Variants in CHODL observed in about 807,000 individuals in gnomAD.
The protein encoded by CHODL is chondrolectin, also known as transmembrane protein MT75.
A neutral mutation model predicts 34.5 loss-of-function variants in CHODL; 29 were observed. The observed-to-expected ratio is 0.84, with a 90% CI of 0.63 to 1.15. CHODL has a LOEUF of 1.15. Among genes scored for constraint, CHODL ranks in the 50% most tolerant of loss-of-function variants. The probability of loss-of-function intolerance (pLI) is 0.00; values close to 1 mark genes in which losing one functional copy is unlikely to be tolerated. For missense variants in CHODL, 332 were observed against 332.5 expected, an observed-to-expected ratio of 1.00 and a Z score of 0.01; for synonymous variants, 125 against 116.1, an observed-to-expected ratio of 1.08 and a Z score of -0.49.
At chr21:18,209,254 C>T (rs2073747826) in intron 2 of CHODL, among the ~76,000 whole-genome samples, 1 of 152,170 alleles carries the variant, frequency 6.6e-6, no homozygotes, top group East Asian at 1.9e-4. Flanking sequence ...GTTCTTCCTG[C>T]TCATTCTTCC....
chr21:18,097,853 C>T (rs1265779699), intron 2 of CHODL, among the ~76,000 whole-genome samples: 1 of 152,018 alleles, frequency 6.6e-6, no homozygotes, highest in Non-Finnish European at 1.5e-5. Context: ...CAGCATGGTA[C>T]TGACATAAAA....
At chr21:18,118,220 T>C (rs1432519620) in intron 2 of CHODL, among the ~76,000 whole-genome samples, 1 of 152,226 alleles carries the variant, frequency 6.6e-6, no homozygotes, top group South Asian at 2.1e-4. Context: ...TAAATGTTTA[T>C]TGAGCCTCAA....
At chr21:18,050,400 A>T (rs1267514016) in intron 2 of CHODL, among the ~76,000 whole-genome samples, 3 of 151,858 alleles carry the variant, frequency 2.0e-5, no homozygotes, top group Non-Finnish European at 4.4e-5. Flanking sequence ...CTGTTTGACA[A>T]CTCTTACTCT....
intron 2 of CHODL, among the ~76,000 whole-genome samples, chr21:18,152,210 C>A (rs1303975179): frequency 6.6e-6 from 1 of 152,134 alleles, no homozygotes; most frequent in Non-Finnish European, 1.5e-5. Context: ...CACCACAATT[C>A]ACTGGTGGTT....
chr21:18,006,544 T>C (rs183334493), intron 1 of CHODL, among the ~76,000 whole-genome samples: 2 of 152,292 alleles, frequency 1.3e-5, no homozygotes, highest in East Asian at 1.9e-4. Context: ...CAATTATCTT[T>C]ACACTGATAT....
At chr21:18,025,619 C>T (rs926946203) in intron 1 of CHODL, among the ~76,000 whole-genome samples, 3 of 151,754 alleles carry the variant, frequency 2.0e-5, no homozygotes, top group Admixed American at 6.6e-5. Flanking sequence ...ATTTTTGTTG[C>T]GTTAATTGGC....
At chr21:18,220,940 A>C (rs1422941658) in intron 2 of CHODL, among the ~76,000 whole-genome samples, 2 of 152,086 alleles carry the variant, frequency 1.3e-5, no homozygotes, top group Non-Finnish European at 2.9e-5. Flanking sequence ...TATCTCTTGC[A>C]AGACTTATGA....
intron 2 of CHODL, among the ~76,000 whole-genome samples, chr21:18,095,720 A>G (rs567688122): frequency 6.6e-6 from 1 of 152,352 alleles, no homozygotes; most frequent in Admixed American, 6.5e-5. Flanking sequence ...CTGTAGGCCA[A>G]TATCTCTGAT....
rs1014291644 is a variant in CHODL at position 18,146,088 on chromosome 21, C to G, written c.-44-110421C>G. ...GGTTCAAGCAATTCTCCTGCCCCAG[C>G]CTCCCGAGTAGCTGAGACTACATTG... On this transcript the variant is annotated intron_variant, in intron 2 of 6. Transcript: ENST00000400127. Among the ~76,000 whole-genome samples, 71 of 152,034 alleles carry G rather than the reference C, an allele frequency of 4.7e-4. 4 individuals carry two copies. The highest frequency in any genetic ancestry group is 8.8e-5 in the Non-Finnish European group (6 of 68,012).
chr21:18,176,983 A>T (rs1166416145), intron 2 of CHODL, among the ~76,000 whole-genome samples: 2 of 152,054 alleles, frequency 1.3e-5, no homozygotes, highest in Non-Finnish European at 2.9e-5. Context: ...TTGTTGGGGT[A>T]AGGGATTAGA....
chr21:17,938,579 C>T (rs931610403), intron 1 of CHODL, among the ~76,000 whole-genome samples: 1 of 148,792 alleles, frequency 6.7e-6, no homozygotes, highest in Admixed American at 6.7e-5. Context: ...CCCGGGTTCG[C>T]GCCATTCTCC....
At chr21:17,977,754 T>C (rs1216088695) in intron 1 of CHODL, among the ~76,000 whole-genome samples, 8 of 148,768 alleles carry the variant, frequency 5.4e-5, no homozygotes, top group African/African-American at 2.0e-4. Flanking sequence ...CTGTCTCTAC[T>C]AAAAATACAA....
intron 1 of CHODL, among the ~76,000 whole-genome samples, chr21:17,948,744 A>C (rs1267609379): frequency 6.6e-6 from 1 of 152,180 alleles, no homozygotes; most frequent in Non-Finnish European, 1.5e-5. Flanking sequence ...AATGAGTAAT[A>C]AAATTGAATC....
chr21:18,110,883 TG>T (rs1465292998), intron 2 of CHODL, among the ~76,000 whole-genome samples: 1 of 152,138 alleles, frequency 6.6e-6, no homozygotes, highest in Non-Finnish European at 1.5e-5. Flanking sequence ...TCATTGTGCT[TG>T]ACTTTTTTTT....
chr21:18,121,587 ATAACT>A (rs562620971), intron 2 of CHODL, among the ~76,000 whole-genome samples: 72 of 152,302 alleles, frequency 4.7e-4, no homozygotes, highest in African/African-American at 1.4e-3. Flanking sequence ...ACTTCCCCAA[ATAACT>A]TAAACTAAAA....
chr21:17,951,606 G>A lies in CHODL; in HGVS notation c.-145+34206G>A, dbSNP rs556029403. The stretch of plus-strand genomic sequence containing the variant: ...TTATAGCTATATTAAAAAATTCATA[G>A]GGTAAAGAGTCAATTTCAAGAGATA... On this transcript the variant is annotated intron_variant, in intron 1 of 6. Transcript: ENST00000400127. Among the ~76,000 whole-genome samples the A allele has an allele frequency of 6.8e-4, 103 of 152,226 alleles. 1 individual carries two copies. Among genetic ancestry groups the A allele is most frequent in the African/African-American group, 2.4e-3 (98 of 41,534 alleles).
chr21:18,070,025 TCC>T (rs762159927), intron 2 of CHODL, among the ~76,000 whole-genome samples: 11 of 29,088 alleles, frequency 3.8e-4, no homozygotes, highest in African/African-American at 9.0e-4. Flanking sequence ...TTCCCTTCCC[TCC>T]CCCCCCCCAC....
intron 2 of CHODL, among the ~76,000 whole-genome samples, chr21:18,157,094 C>A (rs191570083): frequency 6.6e-6 from 1 of 152,278 alleles, no homozygotes; most frequent in East Asian, 1.9e-4. Flanking sequence ...TTCATTGTCA[C>A]CCCTTCTGTT....
In CHODL at chr21:18,149,310, A is replaced by G. The variant is rs1356320515; in HGVS notation, c.-44-107199A>G. Among the ~76,000 whole-genome samples, 3 of 152,200 alleles carry G rather than the reference A, an allele frequency of 2.0e-5. No individual in the cohort carries two copies. The East Asian group carries it at 5.8e-4, about 29-fold the overall frequency. On this transcript the variant is annotated intron_variant, in intron 2 of 6. Transcript: ENST00000400127. ...CCTCACACACACACTCCTGATGCCT[A>G]ATCGCTGTTTCTCCATGAGATGAAA... is the stretch of plus-strand genomic sequence containing the variant.
Sources: gnomAD v4.1 joint callset for allele counts (sites outside exome capture counted in the v4.1 genomes callset) on GRCh38, gnomAD v4.1.1 for gene constraint, MANE v1.5 for transcripts, NCBI Gene and HGNC (gene_info 2026-07-23, HGNC 2026-07-21) for gene names.